Variants in FOLH1 observed in about 807,000 individuals in gnomAD.
FOLH1 encodes glutamate carboxypeptidase 2.
Under a neutral mutation model 93.9 loss-of-function variants are expected in FOLH1, and 54 were observed. The observed-to-expected ratio is 0.57, with a 90% CI of 0.46 to 0.72. The LOEUF (loss-of-function observed/expected upper bound fraction) is 0.72, where lower values mean the gene tolerates loss of function less well. FOLH1 is among the 30% of genes least tolerant of loss of function. The pLI is 0.00. For synonymous variants in FOLH1, 249 were observed against 303.6 expected (o/e 0.82, Z 1.87); for missense variants, 571 against 892.5 (o/e 0.64, Z 4.59).
intron 4 of FOLH1, among the ~76,000 whole-genome samples, chr11:49,187,659 A>G (rs551330321): frequency 1.1e-4 from 17 of 152,226 alleles, no homozygotes; most frequent in Middle Eastern, 3.4e-3. Context: ...ATTTTACTCT[A>G]AAGTAAAATA....
intron 9 of FOLH1, among the ~76,000 whole-genome samples, chr11:49,173,701 CTATAAT>C (rs1251047256): frequency 2.0e-5 from 3 of 151,940 alleles, no homozygotes; most frequent in Non-Finnish European, 2.9e-5. Flanking sequence ...CAATGTATTA[CTATAAT>C]TATAAGTACT....
At chr11:49,181,974 G>A (rs1399639858) in intron 7 of FOLH1, among the ~76,000 whole-genome samples, 1 of 152,120 alleles carries the variant, frequency 6.6e-6, no homozygotes, top group Non-Finnish European at 1.5e-5. Flanking sequence ...GGACTACCTG[G>A]CCAGACGCTT....
At chr11:49,148,792 A>C in intron 17 of FOLH1, 61 bp from the exon 18 acceptor site, 1 of 1,385,706 alleles carries the variant, frequency 7.2e-7, no homozygotes, top group South Asian at 1.4e-5. Context: ...TCAGAAAATA[A>C]AAATTTCAGA....
chr11:49,206,984 TATTA>T (rs2135359096), intron 1 of FOLH1: 3 of 571,260 alleles, frequency 5.3e-6, no homozygotes, highest in East Asian at 5.7e-5. Context: ...GCTTTCCAAT[TATTA>T]ATTATTCTAG....
At chr11:49,160,225 T>C (rs986443487) in intron 13 of FOLH1, among the ~76,000 whole-genome samples, 5 of 152,140 alleles carry the variant, frequency 3.3e-5, no homozygotes, top group African/African-American at 1.2e-4. Flanking sequence ...TTTTCTTCTT[T>C]ATTAGTCTAG....
intron 1 of FOLH1, among the ~76,000 whole-genome samples, chr11:49,207,122 G>A (rs183764681): frequency 5.9e-5 from 9 of 152,138 alleles, no homozygotes; most frequent in African/African-American, 2.2e-4. Context: ...TTAGAGTGAG[G>A]GATCAGGAAA....
chr11:49,176,011 T>C, intron 7 of FOLH1, 54 bp from the exon 8 acceptor site: 2 of 1,498,748 alleles, frequency 1.3e-6, no homozygotes, highest in East Asian at 2.3e-5. Flanking sequence ...AAGTAACGCA[T>C]TAAAATGTTA....
chr11:49,170,649 G>T (rs1186378131), intron 11 of FOLH1, among the ~76,000 whole-genome samples: 1 of 152,132 alleles, frequency 6.6e-6, no homozygotes, highest in African/African-American at 2.4e-5. Context: ...AAGCGTAATA[G>T]AATCATGATA....
At chr11:49,176,260 T>C (rs1404275445) in intron 7 of FOLH1, among the ~76,000 whole-genome samples, 2 of 152,178 alleles carry the variant, frequency 1.3e-5, no homozygotes, top group Non-Finnish European at 2.9e-5. Flanking sequence ...GTAGTAAATC[T>C]AAAAGTGCTT....
chr11:49,161,453 T>C (rs1857692013), intron 13 of FOLH1, among the ~76,000 whole-genome samples: 1 of 152,226 alleles, frequency 6.6e-6, no homozygotes, highest in Non-Finnish European at 1.5e-5. Context: ...TTGCAACTCC[T>C]GCATTTTTCT....
intron 7 of FOLH1, among the ~76,000 whole-genome samples, chr11:49,182,769 G>A (rs1860919475): frequency 6.6e-6 from 1 of 152,148 alleles, no homozygotes; most frequent in South Asian, 2.1e-4. Context: ...TGCATCAGAG[G>A]AGTCCAGTGC....
At chr11:49,160,037 C>G (rs144563127) in intron 13 of FOLH1, among the ~76,000 whole-genome samples, 4,503 of 152,056 alleles carry the variant, frequency 0.03, 84 homozygotes, top group African/African-American at 0.04. Flanking sequence ...TTCAGCCTCC[C>G]GAGCAGCTGG....
intron 2 of FOLH1, among the ~76,000 whole-genome samples, chr11:49,205,503 T>TTCCATCC (rs1253752154): frequency 1.3e-5 from 2 of 152,158 alleles, no homozygotes; most frequent in East Asian, 3.9e-4. Flanking sequence ...AAAGTATTAA[T>TTCCATCC]AGGCAAAGAT....
chr11:49,153,822 T>C (rs1453866570), intron 17 of FOLH1, 24 bp downstream of exon 17: 4 of 1,530,560 alleles, frequency 2.6e-6, no homozygotes, highest in African/African-American at 1.4e-5. Context: ...CATACACACA[T>C]ATGCACATAT....
At chr11:49,196,885 C>A (rs1462474906) in intron 3 of FOLH1, among the ~76,000 whole-genome samples, 1 of 152,114 alleles carries the variant, frequency 6.6e-6, no homozygotes, top group African/African-American at 2.4e-5. Flanking sequence ...AGGTCTTGGT[C>A]AGTGCAGTAA....
rs1856765327 is a variant in FOLH1, at chr11:49,154,210, A to G, written c.1888+18T>C. 6.2e-7 allele frequency: 1 copy of G among 1,611,338 alleles called. No homozygotes were observed. ...GAACCATACAGATGAGGAATTTGAA[A>G]AAGGAAGGGTAACATACCAAATGAT... On this transcript the variant is annotated intron_variant, in intron 16 of 18. Transcript: ENST00000256999.
chr11:49,199,444 T>G (rs1863031843), intron 3 of FOLH1, among the ~76,000 whole-genome samples: 1 of 152,194 alleles, frequency 6.6e-6, no homozygotes, highest in African/African-American at 2.4e-5. Context: ...CCTCCAAACT[T>G]GTCCTCTCCA....
chr11:49,188,512 CAAA>C (rs149444698), intron 4 of FOLH1, among the ~76,000 whole-genome samples: 4 of 130,934 alleles, frequency 3.1e-5, no homozygotes, highest in Admixed American at 7.8e-5. Flanking sequence ...GACTTGGTCT[CAAA>C]AAAAAAAAAA....
intron 2 of FOLH1, 78 bp downstream of exon 2, chr11:49,205,989 A>T: frequency 7.3e-7 from 1 of 1,366,648 alleles, no homozygotes; most frequent in Non-Finnish European, 9.9e-7. Flanking sequence ...CAGTTCCTAT[A>T]TATAAAATAT....
Sources: gnomAD v4.1 joint callset for allele counts (sites outside exome capture counted in the v4.1 genomes callset) on GRCh38, gnomAD v4.1.1 for gene constraint, MANE v1.5 for transcripts, NCBI Gene and HGNC (gene_info 2026-07-23, HGNC 2026-07-21) for gene names.